The following ZBTB46 variants were observed in gnomAD, a reference collection of about 807,000 sequenced individuals.
ZBTB46 encodes the protein zinc finger and BTB domain-containing protein 46.
ZBTB46 carries 8 observed loss-of-function variants against 44.1 expected under a neutral mutation model. That is an observed-to-expected ratio of 0.18 (90% CI 0.11 to 0.33). The LOEUF (loss-of-function observed/expected upper bound fraction) is 0.33, where lower values mean the gene tolerates loss of function less well. Among genes scored for constraint, ZBTB46 ranks in the 10% least tolerant of loss-of-function variants. The probability of loss-of-function intolerance (pLI) is 1.00; values close to 1 mark genes in which losing one functional copy is unlikely to be tolerated. For synonymous variants in ZBTB46, 409 were observed against 382.3 expected (o/e 1.07, Z -0.81); for missense variants, 651 against 847.7 (o/e 0.77, Z 2.88).
rs1049175887 is a variant in ZBTB46, at chr20:63,819,220, C to T, written c.-34+11877G>A. ...ACACCAACTCATGACTTCCTGGATG[C>T]GCTTCCTTCTTAAGACAAGGCAAAA... On this transcript the variant is annotated intron_variant, in intron 1 of 4. Coordinates refer to ENST00000245663, the MANE Select transcript of ZBTB46 (RefSeq NM_001369741.1). Among the ~76,000 whole-genome samples, 46 of 152,270 alleles carry T rather than the reference C, an allele frequency of 3.0e-4. 1 individual carries two copies. Among genetic ancestry groups the T allele is most frequent in the Admixed American group, 2.3e-3 (35 of 15,292 alleles).
chr20:63,748,939 C>T (rs1373786267), intron 4 of ZBTB46, among the ~76,000 whole-genome samples: 1 of 152,246 alleles, frequency 6.6e-6, no homozygotes, highest in East Asian at 1.9e-4. Flanking sequence ...ACCACAGCTA[C>T]CACCTCCCCA....
intron 3 of ZBTB46, among the ~76,000 whole-genome samples, chr20:63,771,127 G>A (rs1411053549): frequency 6.6e-6 from 1 of 152,302 alleles, no homozygotes; most frequent in Admixed American, 6.5e-5. Flanking sequence ...TTGAAGCTGC[G>A]TTCCTCCTGC....
chr20:63,768,289 G>A lies in ZBTB46; in HGVS notation c.1222+7389C>T, dbSNP rs1288747960. On this transcript the variant is annotated intron_variant, in intron 3 of 4. Coordinates refer to ENST00000245663, the MANE Select transcript of ZBTB46 (RefSeq NM_001369741.1). ...AAATGTGTGGTTAAGGCTGGGCACC[G>A]AGGCTCATCCTAGCACTTTGGGAGA... 2.6e-5 allele frequency among the ~76,000 whole-genome samples: 4 copies of A among 152,340 alleles called. No individual in the cohort carries two copies. The South Asian group carries it at 6.2e-4, about 24-fold the overall frequency.
intron 1 of ZBTB46, among the ~76,000 whole-genome samples, chr20:63,808,976 C>CAAAAAAAAAAA (rs1157399042): frequency 1.3e-5 from 1 of 75,228 alleles, no homozygotes; most frequent in African/African-American, 4.5e-5. Context: ...GACTCCGCTT[C>CAAAAAAAAAAA]AAAAAAAAAA....
chr20:63,761,549 C>T (rs533059799), intron 3 of ZBTB46, among the ~76,000 whole-genome samples: 23 of 151,958 alleles, frequency 1.5e-4, no homozygotes, highest in African/African-American at 5.1e-4. Context: ...TTTGGGAGTC[C>T]GAGGCAGGTG....
intron 2 of ZBTB46, among the ~76,000 whole-genome samples, chr20:63,786,784 A>C (rs1292717179): frequency 1.3e-5 from 2 of 152,160 alleles, no homozygotes; most frequent in African/African-American, 4.8e-5. Context: ...TGCTGGAATT[A>C]CAGGCGTGAG....
At chr20:63,762,005 A>C (rs2092281902) in intron 3 of ZBTB46, among the ~76,000 whole-genome samples, 1 of 151,896 alleles carries the variant, frequency 6.6e-6, no homozygotes, top group Non-Finnish European at 1.5e-5. Flanking sequence ...CTATTTTGGT[A>C]AATGTTTCCT....
At chr20:63,771,400 G>C (rs1019603915) in intron 3 of ZBTB46, among the ~76,000 whole-genome samples, 4 of 152,188 alleles carry the variant, frequency 2.6e-5, no homozygotes, top group Non-Finnish European at 5.9e-5. Flanking sequence ...GGGAGGGAGA[G>C]AGGGGGGCCA....
chr20:63,789,805 C>T lies in ZBTB46; in HGVS notation c.937+16G>A, dbSNP rs770845562. 1.8e-5 allele frequency: 29 copies of T among 1,595,018 alleles called. No individual in the cohort carries two copies. Among genetic ancestry groups the T allele is most frequent in the Middle Eastern group, 1.7e-4 (1 of 6,010 alleles). ...CACTGGGGCAGCTGAGCCCCCGTAA[C>T]GAGTGAAAGGCTTACTTGAGTCTCG... On this transcript the variant is annotated intron_variant, in intron 2 of 4. Coordinates refer to ENST00000245663, the MANE Select transcript of ZBTB46 (RefSeq NM_001369741.1).
At chr20:63,823,501 A>T (rs200756195) in intron 1 of ZBTB46, among the ~76,000 whole-genome samples, 24 of 151,052 alleles carry the variant, frequency 1.6e-4, no homozygotes, top group South Asian at 1.0e-3. Flanking sequence ...CTGTCTCAAA[A>T]AAATAAATAA....
rs2092327868 is a variant in ZBTB46, at chr20:63,767,231, C to T, written c.1222+8447G>A. Among the ~76,000 whole-genome samples, 2 of 152,122 alleles carry T rather than the reference C, an allele frequency of 1.3e-5. No individual in the cohort carries two copies. The highest frequency in any genetic ancestry group is 6.5e-5 in the Admixed American group (1 of 15,280). On this transcript the variant is annotated intron_variant, in intron 3 of 4. Transcript: ENST00000245663. The surrounding 1 kb of genome is among the most constrained non-coding windows in gnomAD (Gnocchi z 5.0). ...CTAGAAAGTTGCTGGGTCGGAGCCA[C>T]GTGGCTCCACTTCCCACGGATGGGG...
Position 63,790,025 on chromosome 20 carries a change from A to C in ZBTB46, c.733T>G (p.Ser245Ala). The C allele has an allele frequency of 6.2e-7, 1 of 1,613,960 alleles. No individual in the cohort carries two copies. Among genetic ancestry groups the C allele is most frequent in the Non-Finnish European group, 8.5e-7 (1 of 1,179,922 alleles). The change falls in exon 2 of 5, where the codon TCT becomes GCT. Residue 245 changes from serine (S) to alanine (A), a missense_variant. This residue lies in a region of ZBTB46 where 385 missense variants were observed against 423.3 expected (regional missense o/e 0.91). Coordinates refer to ENST00000245663, the MANE Select transcript of ZBTB46 (RefSeq NM_001369741.1). ...TTCTGTACTGCACCGTCCTTGGCAGAAGGCAGCTCGCTCCCTCCGTACTGA... is the reference window on the plus strand; with the variant it reads ...TTCTGTACTGCACCGTCCTTGGCAGCAGGCAGCTCGCTCCCTCCGTACTGA... ...PSQYGGSELP[S>A]AKDGAVQNSF...
chr20:63,827,726 A>C (rs1600736328), intron 1 of ZBTB46, among the ~76,000 whole-genome samples: 2 of 152,330 alleles, frequency 1.3e-5, no homozygotes, highest in East Asian at 3.9e-4. Context: ...GCAAATTTTT[A>C]ATCCAGATAA....
intron 1 of ZBTB46, among the ~76,000 whole-genome samples, chr20:63,807,002 G>A (rs757758554): frequency 3.9e-5 from 6 of 151,910 alleles, no homozygotes; most frequent in Non-Finnish European, 5.9e-5. Context: ...CAGGATAGTC[G>A]CGATCTCCTG....
At chr20:63,757,042 C>A (rs1272379133) in intron 3 of ZBTB46, among the ~76,000 whole-genome samples, 2 of 152,218 alleles carry the variant, frequency 1.3e-5, no homozygotes, top group Admixed American at 1.3e-4. Context: ...TGCTTGGCTT[C>A]CGCAGATATT....
At chr20:63,808,675 C>T (rs1332602559) in intron 1 of ZBTB46, among the ~76,000 whole-genome samples, 5 of 152,102 alleles carry the variant, frequency 3.3e-5, no homozygotes, top group African/African-American at 4.8e-5. Flanking sequence ...GCGCCAAGGC[C>T]GCCTTAAGAA....
chr20:63,759,295 A>G (rs980283679), intron 3 of ZBTB46, among the ~76,000 whole-genome samples: 1 of 152,080 alleles, frequency 6.6e-6, no homozygotes, highest in Non-Finnish European at 1.5e-5. Flanking sequence ...ATCCTGTTAA[A>G]AATCTAAGTT....
rs539823197 is a variant in ZBTB46 at position 63,826,887 on chromosome 20, C to G, written c.-34+4210G>C. ...ACCAGCTCCCAAAAGCTGCCTCCTA[C>G]GTACAGTGGCCCTGCCCTCCGGCCA... is the stretch of plus-strand genomic sequence containing the variant. On this transcript the variant is annotated intron_variant, in intron 1 of 4. Transcript: ENST00000245663. Among the ~76,000 whole-genome samples, 4 of 152,354 alleles carry G rather than the reference C, an allele frequency of 2.6e-5. No individual in the cohort carries two copies. The East Asian group carries it at 7.7e-4, about 29-fold the overall frequency.
chr20:63,766,534 C>CAAA (rs11434220), intron 3 of ZBTB46, among the ~76,000 whole-genome samples: 8 of 130,590 alleles, frequency 6.1e-5, no homozygotes, highest in African/African-American at 1.4e-4. Context: ...CCATTTTGAC[C>CAAA]AAAAAAAAAA....
Sources: allele counts gnomAD v4.1 joint callset (sites outside exome capture counted in the v4.1 genomes callset), GRCh38; gene constraint gnomAD v4.1.1; regional missense constraint gnomAD v4.1.1; non-coding constraint Gnocchi (gnomAD v3.1); transcripts MANE v1.5; gene names NCBI Gene and HGNC (gene_info 2026-07-23, HGNC 2026-07-21).